Variants in KDM4C observed in about 807,000 individuals in gnomAD.
KDM4C encodes lysine demethylase 4C.
A neutral mutation model predicts 129.3 loss-of-function variants in KDM4C; 81 were observed. The observed-to-expected ratio is 0.63, with a 90% CI of 0.52 to 0.75. KDM4C has a LOEUF of 0.75. Among genes scored for constraint, KDM4C ranks in the 30% least tolerant of loss-of-function variants. The pLI is 0.00. For missense variants in KDM4C, 1,457 were observed against 1,304.0 expected (o/e 1.12, Z -1.81); for synonymous variants, 573 against 456.1 (o/e 1.26, Z -3.26).
At chr9:7,038,645 T>C (rs1828050292) in intron 15 of KDM4C, among the ~76,000 whole-genome samples, 1 of 152,098 alleles carries the variant, frequency 6.6e-6, no homozygotes, top group African/African-American at 2.4e-5. Flanking sequence ...AGTCGTTATA[T>C]AGTCCTTCTC....
intron 8 of KDM4C, chr9:6,924,627 C>T: frequency 2.4e-6 from 1 of 421,138 alleles, no homozygotes; most frequent in Non-Finnish European, 3.2e-6. Context: ...AATTCAGTCC[C>T]TTAATTAGAT....
intron 4 of KDM4C, among the ~76,000 whole-genome samples, chr9:6,822,188 G>T (rs1454506603): frequency 6.6e-6 from 1 of 152,184 alleles, no homozygotes; most frequent in Non-Finnish European, 1.5e-5. Flanking sequence ...TTGGAGCCCA[G>T]TCTTTTTCAT....
intron 17 of KDM4C, among the ~76,000 whole-genome samples, chr9:7,102,194 T>C (rs1316577297): frequency 6.6e-6 from 1 of 151,938 alleles, no homozygotes; most frequent in African/African-American, 2.4e-5. Context: ...TCTAGATGTA[T>C]AAGGAAATCA....
At chr9:7,056,350 C>CAAA (rs60009675) in intron 17 of KDM4C, among the ~76,000 whole-genome samples, 2 of 147,572 alleles carry the variant, frequency 1.4e-5, no homozygotes, top group African/African-American at 2.5e-5. Context: ...AAGTGTAGTG[C>CAAA]AAAAAAAAAA....
chr9:6,886,830 C>T (rs914075388), intron 6 of KDM4C, among the ~76,000 whole-genome samples: 1 of 152,056 alleles, frequency 6.6e-6, no homozygotes, highest in Admixed American at 6.6e-5. Context: ...CTGTGTTAGG[C>T]TTGTCCCAAA....
intron 5 of KDM4C, among the ~76,000 whole-genome samples, chr9:6,877,894 T>C (rs1413690229): frequency 1.3e-5 from 2 of 152,266 alleles, no homozygotes; most frequent in Non-Finnish European, 2.9e-5. Context: ...GGGCAGGGTT[T>C]TGGGCTCATT....
chr9:6,846,417 A>C (rs1397961118), intron 4 of KDM4C, among the ~76,000 whole-genome samples: 2 of 152,194 alleles, frequency 1.3e-5, no homozygotes, highest in Admixed American at 6.5e-5. Context: ...AACTAGGTGC[A>C]TTTTTGGTCT....
intron 8 of KDM4C, among the ~76,000 whole-genome samples, chr9:6,911,883 A>C (rs1293265108): frequency 1.3e-5 from 2 of 152,108 alleles, no homozygotes; most frequent in African/African-American, 4.8e-5. Context: ...TAAACACCCC[A>C]TGTCCTTTGG....
At chr9:7,040,961 C>T (rs887105468) in intron 15 of KDM4C, among the ~76,000 whole-genome samples, 2 of 151,112 alleles carry the variant, frequency 1.3e-5, no homozygotes, top group East Asian at 3.9e-4. Flanking sequence ...ATATCTCTTC[C>T]AATATTATCA....
At chr9:6,757,563 A>C (rs1163643464), upstream of KDM4C, 2 of 924,820 alleles carry the variant, frequency 2.2e-6, no homozygotes, top group Non-Finnish European at 2.6e-6. Context: ...GCGAGCCCCG[A>C]CTTTCTCGCC....
Position 6,849,685 on chromosome 9 carries a change from G to C in KDM4C, c.614G>C (p.Gly205Ala). 3 of 1,577,234 alleles carry C rather than the reference G, an allele frequency of 1.9e-6. No homozygotes were observed. Among genetic ancestry groups the C allele is most frequent in the Non-Finnish European group, 2.6e-6 (3 of 1,155,582 alleles). ...TATAGCATTAATTATCTCCACTTTG[G>C]AGAGCCCAAGTCTTGGCAAGTTACT... ...DLYSINYLHFGEPKSWYAIPP... is the reference protein window; with the variant it reads ...DLYSINYLHFAEPKSWYAIPP... The change falls in exon 5 of 22, where the codon GGA becomes GCA. Residue 205 changes from glycine to alanine, a missense_variant. Gly to Ala is a moderately conservative substitution (Grantham distance 60, BLOSUM62 0). Coordinates refer to ENST00000381309, the MANE Select transcript of KDM4C (RefSeq NM_015061.6).
At chr9:7,060,557 C>T (rs1173930366) in intron 17 of KDM4C, among the ~76,000 whole-genome samples, 1 of 151,560 alleles carries the variant, frequency 6.6e-6, no homozygotes, top group East Asian at 1.9e-4. Context: ...TCTCGGTTCA[C>T]TGCAACCTCC....
chr9:7,165,892 T>C (rs1368011544), intron 20 of KDM4C, among the ~76,000 whole-genome samples: 3 of 152,242 alleles, frequency 2.0e-5, no homozygotes, highest in Non-Finnish European at 4.4e-5. Flanking sequence ...AAATGAAAAG[T>C]ACAGCTATCA....
intron 18 of KDM4C, among the ~76,000 whole-genome samples, chr9:7,112,616 C>G (rs1838453234): frequency 6.6e-6 from 1 of 152,210 alleles, no homozygotes; most frequent in Admixed American, 6.5e-5. Flanking sequence ...GTGTGCCCAT[C>G]TAATGCCAGT....
Position 6,790,218 on chromosome 9 carries a change from C to A in KDM4C, c.-17-2754C>A, listed in dbSNP as rs563539549. ...CGCGCCTGGCCAAACTTTCTTTAAA[C>A]AAATAATGACTACATCACTATCTGT... On this transcript the variant is annotated intron_variant, in intron 1 of 21. Coordinates refer to ENST00000381309, the MANE Select transcript of KDM4C (RefSeq NM_015061.6). Among the ~76,000 whole-genome samples, 7 of 151,584 alleles carry A rather than the reference C, an allele frequency of 4.6e-5. 1 individual carries two copies. In the South Asian group the frequency reaches 1.5e-3, roughly 32 times the overall value.
intron 12 of KDM4C, 91 bp downstream of exon 12, chr9:6,990,615 T>G: frequency 1.3e-6 from 1 of 776,894 alleles, no homozygotes; most frequent in Non-Finnish European, 2.1e-6. Context: ...AGAAAAAAAA[T>G]TCAACAAGTA....
intron 12 of KDM4C, among the ~76,000 whole-genome samples, chr9:7,009,382 A>C (rs1822268164): frequency 6.6e-6 from 1 of 152,234 alleles, no homozygotes; most frequent in Non-Finnish European, 1.5e-5. Flanking sequence ...CCTGCAATTC[A>C]ATTAATTGCT....
At chr9:7,126,932 A>T (rs1055396181) in intron 18 of KDM4C, among the ~76,000 whole-genome samples, 2 of 152,196 alleles carry the variant, frequency 1.3e-5, no homozygotes, top group Admixed American at 6.5e-5. Flanking sequence ...CAAATCTGGG[A>T]CAGTTTGAAC....
intron 18 of KDM4C, among the ~76,000 whole-genome samples, chr9:7,109,784 T>C (rs1449802121): frequency 6.6e-6 from 1 of 152,212 alleles, no homozygotes; most frequent in Non-Finnish European, 1.5e-5. Context: ...GGTGACTGCT[T>C]TATTTCTAAT....
Sources: gnomAD v4.1 joint callset for allele counts (sites outside exome capture counted in the v4.1 genomes callset) on GRCh38, gnomAD v4.1.1 for gene constraint, MANE v1.5 for transcripts, NCBI Gene and HGNC (gene_info 2026-07-23, HGNC 2026-07-21) for gene names.